The following DHRSX variants were observed in gnomAD, a reference collection of about 807,000 sequenced individuals.
DHRSX encodes polyprenol dehydrogenase.
A neutral mutation model predicts 34.0 loss-of-function variants in DHRSX; 31 were observed. The observed-to-expected ratio is 0.91, with a 90% CI of 0.69 to 1.23. The LOEUF (loss-of-function observed/expected upper bound fraction) is 1.23, where lower values mean the gene tolerates loss of function less well. DHRSX is among the 50% of genes most tolerant of loss of function. The pLI, the probability that DHRSX is intolerant of heterozygous loss-of-function variation, is 0.00. For missense variants in DHRSX, 414 were observed against 428.1 expected (o/e 0.97, Z 0.29); for synonymous variants, 201 against 183.8 (o/e 1.09, Z -0.76).
At chrX:2,311,262 G>T (rs1190650856) in intron 3 of DHRSX, among the ~76,000 whole-genome samples, 4 of 152,048 alleles carry the variant, frequency 2.6e-5, no homozygotes, top group Non-Finnish European at 5.9e-5. Flanking sequence ...GAGAGAAAGA[G>T]AGAGATGGGG....
intron 6 of DHRSX, among the ~76,000 whole-genome samples, chrX:2,242,103 C>T (rs1352732141): frequency 6.6e-6 from 1 of 152,100 alleles, no homozygotes; most frequent in Non-Finnish European, 1.5e-5. Context: ...TGTAATGGGG[C>T]AATTCCTCTG....
chrX:2,276,811 GACAA>G (rs753264126), intron 4 of DHRSX, among the ~76,000 whole-genome samples: 5 of 141,978 alleles, frequency 3.5e-5, no homozygotes, highest in East Asian at 2.4e-4. Flanking sequence ...GAGAAAGAGA[GACAA>G]AGAGAGATGG....
chrX:2,244,287 A>G (rs1256651351), intron 5 of DHRSX, among the ~76,000 whole-genome samples: 4 of 134,070 alleles, frequency 3.0e-5, no homozygotes, highest in African/African-American at 8.4e-5. Context: ...TAACCGCGGT[A>G]AAGTGAGTAA....
chrX:2,351,684 G>A (rs1404156127), intron 3 of DHRSX, among the ~76,000 whole-genome samples: 1 of 152,178 alleles, frequency 6.6e-6, no homozygotes, highest in Non-Finnish European at 1.5e-5. Context: ...TTGGCATCCT[G>A]GCTCTCAGTG....
intron 3 of DHRSX, among the ~76,000 whole-genome samples, chrX:2,385,150 A>ATG (rs1342291783): frequency 8.5e-6 from 1 of 117,928 alleles, no homozygotes; most frequent in Non-Finnish European, 1.8e-5. Flanking sequence ...GTGTATATAT[A>ATG]TGTGTGTGTG....
At chrX:2,316,169 A>G (rs1327153115) in intron 3 of DHRSX, among the ~76,000 whole-genome samples, 2 of 150,176 alleles carry the variant, frequency 1.3e-5, no homozygotes, top group Non-Finnish European at 3.0e-5. Flanking sequence ...GCCAAGTCTC[A>G]TTTTCATTTT....
chrX:2,221,131 C>T lies in DHRSX; in HGVS notation c.903G>A (p.Lys301=). ...GHYLYNEKET[K]SLHVTYNQKL... ...TCTGGTTGTAGGTGACGTGGAGGGACTTGGTCTCTTTCTCGTTGTATAGGT... is the reference window on the plus strand; with the variant it reads ...TCTGGTTGTAGGTGACGTGGAGGGATTTGGTCTCTTTCTCGTTGTATAGGT... The change falls in exon 7 of 7, where the codon AAG becomes AAA. Residue 301 remains lysine (K), a synonymous_variant. Coordinates refer to ENST00000334651, the MANE Select transcript of DHRSX (RefSeq NM_145177.3). 1.2e-6 allele frequency: 2 copies of T among 1,613,894 alleles called. No homozygotes were observed. The highest frequency in any genetic ancestry group is 4.5e-5 in the East Asian group (2 of 44,878).
chrX:2,346,174 G>A (rs2042708104), intron 3 of DHRSX, among the ~76,000 whole-genome samples: 1 of 152,066 alleles, frequency 6.6e-6, no homozygotes, highest in Non-Finnish European at 1.5e-5. Flanking sequence ...TTCTGATAAT[G>A]TTTCTAACTC....
Position 2,462,214 on chromosome X carries a change from G to GA in DHRSX, c.110-36911dup, listed in dbSNP as rs954437650. ...AAAAAAAAAAAGAAAAAAGTAGCAAGAAAAAAAAAGAACAGTAGAGCAGTT... is the reference window on the plus strand; with the variant it reads ...AAAAAAAAAAAGAAAAAAGTAGCAAGAAAAAAAAAAGAACAGTAGAGCAGTT... On this transcript the variant is annotated intron_variant, in intron 1 of 6. Coordinates refer to ENST00000334651, the MANE Select transcript of DHRSX (RefSeq NM_145177.3). 6.0e-4 allele frequency among the ~76,000 whole-genome samples: 89 copies of GA among 148,252 alleles called. No homozygotes were observed. In the Middle Eastern group the frequency reaches 0.011, roughly 18 times the overall value.
At chrX:2,250,143 CAG>C (rs2016402533) in intron 5 of DHRSX, among the ~76,000 whole-genome samples, 1 of 120,582 alleles carries the variant, frequency 8.3e-6, no homozygotes, top group East Asian at 2.3e-4. Context: ...GCCTGGGCAA[CAG>C]AGTGAGACTC....
At chrX:2,340,891 T>A (rs1020070785) in intron 3 of DHRSX, among the ~76,000 whole-genome samples, 1 of 151,852 alleles carries the variant, frequency 6.6e-6, no homozygotes, top group Non-Finnish European at 1.5e-5. Flanking sequence ...GAAAAGATGT[T>A]TTGCAGGTGG....
intron 3 of DHRSX, among the ~76,000 whole-genome samples, chrX:2,338,320 G>A (rs1392182440): frequency 1.3e-5 from 2 of 151,520 alleles, no homozygotes; most frequent in African/African-American, 4.8e-5. Context: ...GCAACAGAGC[G>A]AGACTCTGTT....
chrX:2,418,337 A>G (rs2043722159), intron 2 of DHRSX, among the ~76,000 whole-genome samples: 1 of 152,136 alleles, frequency 6.6e-6, no homozygotes, highest in Non-Finnish European at 1.5e-5. Context: ...AGACTTCATC[A>G]TGACCAAACC....
At chrX:2,463,710 A>T (rs1376417506) in intron 1 of DHRSX, among the ~76,000 whole-genome samples, 1 of 152,208 alleles carries the variant, frequency 6.6e-6, no homozygotes, top group Non-Finnish European at 1.5e-5. Context: ...GGTGACGTGC[A>T]GAGAGGAGCA....
chrX:2,268,197 C>T (rs1049855667), intron 4 of DHRSX, among the ~76,000 whole-genome samples: 40 of 152,168 alleles, frequency 2.6e-4, no homozygotes, highest in Admixed American at 1.2e-3. Context: ...CCCGGCTGAG[C>T]GCCTGCCCTG....
chrX:2,249,237 G>A (rs185926455), intron 5 of DHRSX, among the ~76,000 whole-genome samples: 2 of 134,336 alleles, frequency 1.5e-5, no homozygotes. Context: ...CTGTCGCCCA[G>A]GCTAGAGTAC....
chrX:2,402,684 C>T lies in DHRSX; in HGVS notation c.286+6061G>A, dbSNP rs1484752454. ...CCACTGATGAATGTCCAAACCTGTTCAGATTTTAAACTTTTTTCTTTTAAA... is the reference window on the plus strand; with the variant it reads ...CCACTGATGAATGTCCAAACCTGTTTAGATTTTAAACTTTTTTCTTTTAAA... On this transcript the variant is annotated intron_variant, in intron 3 of 6. Coordinates refer to ENST00000334651, the MANE Select transcript of DHRSX (RefSeq NM_145177.3). Among the ~76,000 whole-genome samples the T allele has an allele frequency of 4.0e-5, 6 of 148,278 alleles. No homozygotes were observed. In the East Asian group the frequency reaches 1.2e-3, roughly 30 times the overall value.
At chrX:2,251,992 C>T (rs1193440605) in intron 5 of DHRSX, among the ~76,000 whole-genome samples, 1 of 152,090 alleles carries the variant, frequency 6.6e-6, no homozygotes, top group Non-Finnish European at 1.5e-5. Context: ...AATCCCAGCA[C>T]TTTGGGAGGC....
chrX:2,338,594 G>A (rs762063354), intron 3 of DHRSX, among the ~76,000 whole-genome samples: 1 of 151,988 alleles, frequency 6.6e-6, no homozygotes, highest in South Asian at 2.1e-4. Flanking sequence ...GTTCTCCACA[G>A]GCTGGTTGTT....
Sources: gnomAD v4.1 joint callset for allele counts (sites outside exome capture counted in the v4.1 genomes callset) on GRCh38, gnomAD v4.1.1 for gene constraint, MANE v1.5 for transcripts, NCBI Gene and HGNC (gene_info 2026-07-23, HGNC 2026-07-21) for gene names.